MFHAS1: variants seen among roughly 807,000 people sequenced by gnomAD.
MFHAS1 encodes malignant fibrous histiocytoma-amplified sequence 1.
In MFHAS1, 50 loss-of-function variants were observed where a neutral mutation model predicts 70.4. The observed-to-expected ratio is 0.71, with a 90% CI of 0.57 to 0.90. MFHAS1 has a LOEUF of 0.90. Among genes scored for constraint, MFHAS1 ranks in the 40% least tolerant of loss-of-function variants. MFHAS1 has a pLI of 0.00. For missense variants in MFHAS1, 1,795 were observed against 1,347.6 expected (o/e 1.33, Z -5.20); for synonymous variants, 952 against 620.0 (o/e 1.54, Z -7.96).
At chr8:8,832,759 G>A (rs1807452607) in intron 1 of MFHAS1, among the ~76,000 whole-genome samples, 2 of 148,970 alleles carry the variant, frequency 1.3e-5, no homozygotes, top group Admixed American at 1.4e-4. Context: ...CTCCTGACTC[G>A]CCGAGACTAC....
intron 1 of MFHAS1, among the ~76,000 whole-genome samples, chr8:8,817,334 T>C (rs921561674): frequency 2.0e-5 from 3 of 152,244 alleles, no homozygotes; most frequent in African/African-American, 7.2e-5. Flanking sequence ...TCTTTGTTAA[T>C]TGACGTCCAT....
At chr8:8,845,036 T>C (rs7014389) in intron 1 of MFHAS1, among the ~76,000 whole-genome samples, 1 of 152,076 alleles carries the variant, frequency 6.6e-6, no homozygotes, top group Non-Finnish European at 1.5e-5. Context: ...AGAAGACCTA[T>C]AAAATGGATT....
intron 1 of MFHAS1, among the ~76,000 whole-genome samples, chr8:8,826,121 G>A (rs1025243861): frequency 6.6e-6 from 1 of 152,062 alleles, no homozygotes; most frequent in Non-Finnish European, 1.5e-5. Flanking sequence ...AAATTTGCAG[G>A]AAAGAACACT....
intron 1 of MFHAS1, among the ~76,000 whole-genome samples, chr8:8,827,692 T>G (rs1332024931): frequency 1.3e-5 from 2 of 152,212 alleles, no homozygotes; most frequent in Non-Finnish European, 2.9e-5. Context: ...ATTTATGGAA[T>G]TTTTGCCCAA....
intron 1 of MFHAS1, among the ~76,000 whole-genome samples, chr8:8,820,603 G>A (rs540275540): frequency 6.6e-6 from 1 of 151,768 alleles, no homozygotes; most frequent in Non-Finnish European, 1.5e-5. Context: ...ATCCCCCATT[G>A]CCTAATCAAT....
At chr8:8,886,735 A>C (rs181390280) in intron 1 of MFHAS1, among the ~76,000 whole-genome samples, 7 of 152,230 alleles carry the variant, frequency 4.6e-5, no homozygotes, top group Non-Finnish European at 8.8e-5. Context: ...TCAGCGTTGC[A>C]TATAAAATTG....
chr8:8,797,572 G>T, intron 1 of MFHAS1, 81 bp from the exon 2 acceptor site: 3 of 1,469,818 alleles, frequency 2.0e-6, no homozygotes, highest in Non-Finnish European at 2.8e-6. Flanking sequence ...ACTGCCCGGG[G>T]ATGGGGGCAG....
At chr8:8,843,275 CA>C (rs565954183) in intron 1 of MFHAS1, among the ~76,000 whole-genome samples, 147 of 123,514 alleles carry the variant, frequency 1.2e-3, no homozygotes, top group Admixed American at 1.1e-3. Context: ...GACTCCGTCT[CA>C]AAAAAAAAAA....
chr8:8,833,149 A>C (rs1228806193), intron 1 of MFHAS1, among the ~76,000 whole-genome samples: 4 of 152,268 alleles, frequency 2.6e-5, no homozygotes, highest in African/African-American at 4.8e-5. Flanking sequence ...CATCGTGACA[A>C]CACCACCAAA....
At chr8:8,873,693 G>A (rs1469279708) in intron 1 of MFHAS1, among the ~76,000 whole-genome samples, 1 of 152,028 alleles carries the variant, frequency 6.6e-6, no homozygotes, top group East Asian at 1.9e-4. Context: ...CGAGAGGATG[G>A]TTCTAGGATA....
intron 1 of MFHAS1, among the ~76,000 whole-genome samples, chr8:8,846,402 C>T: frequency 6.6e-6 from 1 of 151,636 alleles, no homozygotes; most frequent in Non-Finnish European, 1.5e-5. Flanking sequence ...TGGTCACCAG[C>T]TCCACTGCTA....
At chr8:8,829,293 C>T (rs1366567790) in intron 1 of MFHAS1, among the ~76,000 whole-genome samples, 2 of 152,208 alleles carry the variant, frequency 1.3e-5, no homozygotes, top group Non-Finnish European at 1.5e-5. Context: ...CAGCACCCTT[C>T]TCCGTGCAGC....
chr8:8,883,338 TCAAAA>T (rs1164546459), intron 1 of MFHAS1, among the ~76,000 whole-genome samples: 2 of 152,036 alleles, frequency 1.3e-5, no homozygotes, highest in East Asian at 1.9e-4. Flanking sequence ...CCGCTGGTTT[TCAAAA>T]CAAAACAAAA....
chr8:8,854,647 T>C lies in MFHAS1; in HGVS notation c.2998+35414A>G, dbSNP rs999881800. On this transcript the variant is annotated intron_variant, in intron 1 of 2. Coordinates refer to ENST00000276282, the MANE Select transcript of MFHAS1 (RefSeq NM_004225.3). The stretch of plus-strand genomic sequence containing the variant: ...TTGCAGTGAGCCAAGATTGCACCAC[T>C]GCACTCCAGCCTGGATGACAGAGGG... 3.3e-5 allele frequency among the ~76,000 whole-genome samples: 5 copies of C among 150,012 alleles called. No homozygotes were observed. In the East Asian group the frequency reaches 9.8e-4, roughly 29 times the overall value.
chr8:8,806,864 G>A (rs1298080324), intron 1 of MFHAS1, among the ~76,000 whole-genome samples: 1 of 152,080 alleles, frequency 6.6e-6, no homozygotes, highest in Admixed American at 6.6e-5. Context: ...GGGAGGCTGA[G>A]GCAGGAGAAT....
Position 8,829,435 on chromosome 8 carries a change from C to T in MFHAS1, c.2999-31944G>A, listed in dbSNP as rs143128690. On this transcript the variant is annotated intron_variant, in intron 1 of 2. Transcript: ENST00000276282. ...ATGGCCCATGCCTGTAATCAGAGCA[C>T]GTTGGGAGGCCTAGGTGGGTAGATC... Among the ~76,000 whole-genome samples the T allele has an allele frequency of 5.8e-3, 879 of 152,338 alleles. 6 individuals are homozygous for T. Among genetic ancestry groups the T allele is most frequent in the African/African-American group, 0.02 (822 of 41,570 alleles).
rs1563227210 is a variant in MFHAS1 at position 8,892,727 on chromosome 8, TGGC to T, written c.329_331del (p.Gly110_His111delinsAsp). 8.7e-7 allele frequency: 1 copy of T among 1,149,914 alleles called. No individual in the cohort carries two copies. Among genetic ancestry groups the T allele is most frequent in the Non-Finnish European group, 1.2e-6 (1 of 833,730 alleles). 71.2% of individuals were successfully genotyped at this position (1,149,914 alleles called of 1,614,324 possible). On this transcript the variant is annotated inframe_deletion, in exon 1 of 3. Coordinates refer to ENST00000276282, the MANE Select transcript of MFHAS1 (RefSeq NM_004225.3). The surrounding 1 kb of genome is among the most constrained non-coding windows in gnomAD (Gnocchi z 4.7). ...GCTCACGTCCAGCTCGGTGAGGTGG[TGGC>T]CGAGCTCGGCCACCGCCGGGGGCAG...
chr8:8,890,824 G>C lies in MFHAS1; in HGVS notation c.2235C>G (p.Pro745=), dbSNP rs768273360. The C allele has an allele frequency of 6.2e-7, 1 of 1,614,244 alleles. No individual in the cohort carries two copies. The highest frequency in any genetic ancestry group is 8.5e-7 in the Non-Finnish European group (1 of 1,180,050). The change falls in exon 1 of 3, where the codon CCC becomes CCG. Residue 745 remains proline (P), a synonymous_variant. Transcript: ENST00000276282. Reference sequence around the variant, plus strand: ...GGAGCAGCTTATGCAGCAGCAAAGAGGGATCCCTCTGGAAGAAGACATTGA... The same window carrying C: ...GGAGCAGCTTATGCAGCAGCAAAGACGGATCCCTCTGGAAGAAGACATTGA... ...DILNVFFQRD[P]SLLLHKLLLG... is the part of the protein sequence containing the mutation.
intron 1 of MFHAS1, among the ~76,000 whole-genome samples, chr8:8,888,960 G>A (rs1395541909): frequency 2.1e-5 from 3 of 140,290 alleles, no homozygotes; most frequent in Non-Finnish European, 4.5e-5. Flanking sequence ...GGATATATGG[G>A]AAATCTCTGT....
Sources: allele counts gnomAD v4.1 joint callset (sites outside exome capture counted in the v4.1 genomes callset), GRCh38; gene constraint gnomAD v4.1.1; non-coding constraint Gnocchi (gnomAD v3.1); transcripts MANE v1.5; gene names NCBI Gene and HGNC (gene_info 2026-07-23, HGNC 2026-07-21).